Variants in PSG7 observed in about 807,000 individuals in gnomAD.
PSG7 encodes the protein pregnancy specific beta-1-glycoprotein 7.
PSG7 carries 57 observed loss-of-function variants against 45.6 expected under a neutral mutation model. The observed-to-expected ratio is 1.25, with a 90% CI of 1.01 to 1.56. PSG7 has a LOEUF of 1.56. PSG7 is among the 40% of genes most tolerant of loss of function. The probability of loss-of-function intolerance (pLI) is 0.00; values close to 1 mark genes in which losing one functional copy is unlikely to be tolerated. For missense variants in PSG7, 796 were observed against 508.4 expected (o/e 1.57, Z -5.44); for synonymous variants, 298 against 194.4 (o/e 1.53, Z -4.43).
chr19:42,931,894 T>G (rs988855874), intron 2 of PSG7, among the ~76,000 whole-genome samples: 1 of 151,364 alleles, frequency 6.6e-6, no homozygotes, highest in East Asian at 1.9e-4. Context: ...CCACTTTTTT[T>G]CCCCCACTCT....
At chr19:42,935,929 C>T (rs1600574644) in intron 1 of PSG7, among the ~76,000 whole-genome samples, 160 bp from the exon 2 acceptor site, 1 of 149,798 alleles carries the variant, frequency 6.7e-6, no homozygotes, top group Non-Finnish European at 1.5e-5. Context: ...CACACACACA[C>T]ATATAAAAGG....
chr19:42,924,272 T>A lies in PSG7; in HGVS notation c.*536A>T, dbSNP rs1972477992. On this transcript the variant is annotated 3_prime_UTR_variant, in exon 6 of 6. Transcript: ENST00000406070. ...TCTACTATAATTTCAGCTTTCCTAC[T>A]CTTTATAGAAACCATCTTCTCTGCA... is the stretch of plus-strand genomic sequence containing the variant. The A allele has an allele frequency of 3.5e-6, 1 of 283,816 alleles. No individual in the cohort carries two copies. Among genetic ancestry groups the A allele is most frequent in the African/African-American group, 2.2e-5 (1 of 45,692 alleles). 17.6% of individuals were successfully genotyped at this position (283,816 alleles called of 1,614,324 possible).
intron 3 of PSG7, among the ~76,000 whole-genome samples, chr19:42,927,941 A>G (rs1461408172): frequency 6.6e-6 from 1 of 151,714 alleles, no homozygotes; most frequent in Non-Finnish European, 1.5e-5. Context: ...ATTCTGAAAT[A>G]TTTGTCATAT....
chr19:42,928,792 G>C lies in PSG7; in HGVS notation c.709+650C>G, dbSNP rs538108030. The stretch of plus-strand genomic sequence containing the variant: ...ATGCTCCAGGGATCCACTTACCAGG[G>C]ACTATGATCCTCTTGATTATGAGAT... On this transcript the variant is annotated intron_variant, in intron 3 of 5. Coordinates refer to ENST00000406070, the MANE Select transcript of PSG7 (RefSeq NM_002783.3). Among the ~76,000 whole-genome samples the C allele has an allele frequency of 5.3e-5, 8 of 151,528 alleles. 1 individual carries two copies. Among genetic ancestry groups the C allele is most frequent in the Non-Finnish European group, 7.4e-5 (5 of 67,864 alleles).
In PSG7 at chr19:42,924,205, A is replaced by AAATGG. The variant is rs1167604444; in HGVS notation, c.*598_*602dup. ...CACGTTTTACAATGTATCTCTTAGG[A>AAATGG]AATGGTGAGAGCCATCCACACAATG... On this transcript the variant is annotated 3_prime_UTR_variant, in exon 6 of 6. Coordinates refer to ENST00000406070, the MANE Select transcript of PSG7 (RefSeq NM_002783.3). 5.2e-6 allele frequency: 1 copy of AAATGG among 192,564 alleles called. No homozygotes were observed. Among genetic ancestry groups the AAATGG allele is most frequent in the African/African-American group, 2.3e-5 (1 of 42,628 alleles). The allele number at this position is 192,564 out of a possible 1,614,324, so 11.9% of individuals were successfully genotyped here. A position where few individuals can be genotyped will look rare whatever the true frequency, so the allele number is the denominator to read the frequency against.
intron 2 of PSG7, among the ~76,000 whole-genome samples, chr19:42,932,213 C>T (rs573551742): frequency 4.6e-5 from 7 of 151,260 alleles, no homozygotes; most frequent in African/African-American, 1.2e-4. Context: ...TTAGTAGAGA[C>T]GGGGTTTCAC....
intron 2 of PSG7, among the ~76,000 whole-genome samples, chr19:42,930,369 G>C (rs1972993927): frequency 1.3e-5 from 2 of 151,568 alleles, no homozygotes; most frequent in African/African-American, 4.9e-5. Context: ...AGATAGAGCA[G>C]AGTCCAAGGA....
intron 2 of PSG7, among the ~76,000 whole-genome samples, chr19:42,934,692 A>G (rs963325531): frequency 5.3e-5 from 8 of 151,382 alleles, no homozygotes; most frequent in East Asian, 2.0e-4. Context: ...GCTACCTGGT[A>G]CATCTTCTCT....
At chr19:42,927,131 C>T (rs1972913002) in intron 3 of PSG7, 1 of 238,890 alleles carries the variant, frequency 4.2e-6, no homozygotes, top group Non-Finnish European at 8.2e-6. Context: ...TCTGCAACTT[C>T]CATTTCCAAG....
chr19:42,935,515 G>C lies in PSG7; in HGVS notation c.319C>G (p.Leu107Val). The C allele has an allele frequency of 6.2e-7, 1 of 1,612,174 alleles. No homozygotes were observed. The highest frequency in any genetic ancestry group is 8.5e-7 in the Non-Finnish European group (1 of 1,179,024). ...TCCTGGGTGACATTCTGGATCAGCA[G>C]GGATGCATTGGAATATACTGTTTCT... ...GRETVYSNAS[L>V]LIQNVTQEDT... Residue 107 changes from leucine to valine, a missense_variant, in exon 2 of 6, where the codon CTG (leucine) becomes GTG (valine). Transcript: ENST00000406070.
At position 42,926,651 on chromosome 19, in the gene PSG7, T is replaced by C. The variant is rs558901117; in HGVS notation, c.775A>G (p.Thr259Ala). 28 of 1,610,058 alleles carry C rather than the reference T, an allele frequency of 1.7e-5. No homozygotes were observed. The highest frequency in any genetic ancestry group is 2.2e-4 in the Middle Eastern group (1 of 4,580). Reference sequence around the variant, plus strand: ...TCACTCTTAGGTTCACAGGTGAAGGTTGAGACATCCTTATTCTCCCTGGGG... The same window carrying C: ...TCACTCTTAGGTTCACAGGTGAAGGCTGAGACATCCTTATTCTCCCTGGGG... ...LNPRENKDVS[T>A]FTCEPKSENY... Residue 259 changes from threonine to alanine, a missense_variant, in exon 4 of 6, where the codon ACC becomes GCC. Coordinates refer to ENST00000406070, the MANE Select transcript of PSG7 (RefSeq NM_002783.3).
At chr19:42,928,300 A>T (rs1213613356) in intron 3 of PSG7, among the ~76,000 whole-genome samples, 2 of 151,564 alleles carry the variant, frequency 1.3e-5, no homozygotes, top group Non-Finnish European at 2.9e-5. Context: ...TTTAGGACAG[A>T]GTTTTCTAAT....
intron 2 of PSG7, among the ~76,000 whole-genome samples, chr19:42,933,774 G>A (rs752877015): frequency 5.3e-5 from 8 of 151,094 alleles, no homozygotes; most frequent in Non-Finnish European, 1.0e-4. Context: ...ACTGACTTCA[G>A]TGACCCCAGG....
rs200925816 is a variant in PSG7, at chr19:42,937,195, C to A, written c.-119G>T. The A allele has an allele frequency of 1.1e-4, 155 of 1,424,768 alleles. 4 individuals are homozygous for A. Among genetic ancestry groups the A allele is most frequent in the South Asian group, 2.3e-4 (17 of 73,296 alleles). 88.3% of individuals were successfully genotyped at this position (1,424,768 alleles called of 1,614,324 possible). A position where few individuals can be genotyped will look rare whatever the true frequency, so the allele number is the denominator to read the frequency against. The stretch of plus-strand genomic sequence containing the variant: ...TTCTGCACTGAGCCTCTTCCCGGGG[C>A]AGGAGCACTTCTCAAGCTCATGGGT... On this transcript the variant is annotated 5_prime_UTR_variant, in exon 1 of 6. Transcript: ENST00000406070.
chr19:42,926,909 CT>C (rs1972906936), intron 3 of PSG7, 193 bp from the exon 4 acceptor site: 1 of 1,102,170 alleles, frequency 9.1e-7, no homozygotes, highest in East Asian at 2.5e-5. Flanking sequence ...CCTGCTCAGT[CT>C]TAGGGAAGCA....
Position 42,925,075 on chromosome 19 carries a change from A to T in PSG7, c.1244-251T>A, listed in dbSNP as rs571061012. On this transcript the variant is annotated intron_variant, in intron 5 of 5. Transcript: ENST00000406070. The stretch of plus-strand genomic sequence containing the variant: ...TCTCTTTTAAAATTTTCTTTGCTGT[A>T]AGTTTTTATAAGGAATCTCAGATTA... 10 of 529,794 alleles carry T rather than the reference A, an allele frequency of 1.9e-5. No individual in the cohort carries two copies. In the Admixed American group the frequency reaches 2.3e-4, roughly 12 times the overall value. 32.8% of individuals were successfully genotyped at this position (529,794 alleles called of 1,614,324 possible). A position where few individuals can be genotyped will look rare whatever the true frequency, so the allele number is the denominator to read the frequency against.
Position 42,925,970 on chromosome 19 carries a change from T to A in PSG7, c.1046A>T (p.Asn349Ile), listed in dbSNP as rs774045466. The A allele has an allele frequency of 5.6e-6, 9 of 1,611,746 alleles. No homozygotes were observed. The highest frequency in any genetic ancestry group is 4.5e-5 in the East Asian group (2 of 44,804). The change falls in exon 5 of 6, where the codon AAC (asparagine) becomes ATC (isoleucine). Residue 349 changes from asparagine (N) to isoleucine (I), a missense_variant. By Grantham distance (149) the Asn-to-Ile change is moderately radical (BLOSUM62 -3). Coordinates refer to ENST00000406070, the MANE Select transcript of PSG7 (RefSeq NM_002783.3). ...GTCCGCAAAGCAGGACAAGTAGAGG[T>A]TTTGTCCTGAATGGTAATAGGTGAA... ...PSFTYYHSGQ[N>I]LYLSCFADSN...
Position 42,929,575 on chromosome 19 carries a change from G to C in PSG7, c.576C>G (p.Ser192Arg), listed in dbSNP as rs757886695. ...TCCTGTTGGTTTCAGACAGCTGCAAGCTGTGAGTCATAGGGAGGCTCTGAC... is the reference window on the plus strand; with the variant it reads ...TCCTGTTGGTTTCAGACAGCTGCAACCTGTGAGTCATAGGGAGGCTCTGAC... Reference protein sequence around the residue: ...MNGQSLPMTHSLQLSETNRTL... With the variant: ...MNGQSLPMTHRLQLSETNRTL... Residue 192 changes from serine to arginine, a missense_variant, in exon 3 of 6, where the codon AGC (serine) becomes AGG (arginine). Physicochemically the swap from Ser to Arg is moderately radical, Grantham distance 110. Coordinates refer to ENST00000406070, the MANE Select transcript of PSG7 (RefSeq NM_002783.3). The C allele has an allele frequency of 8.6e-5, 138 of 1,612,496 alleles. 3 individuals are homozygous for C. Among genetic ancestry groups the C allele is most frequent in the South Asian group, 8.5e-4 (77 of 90,840 alleles).
intron 2 of PSG7, among the ~76,000 whole-genome samples, chr19:42,932,864 T>G (rs1973049969): frequency 6.6e-6 from 1 of 151,460 alleles, no homozygotes; most frequent in African/African-American, 2.4e-5. Context: ...ACTGCTCCAG[T>G]GTCATTTGGC....
Sources: allele counts gnomAD v4.1 joint callset (sites outside exome capture counted in the v4.1 genomes callset), GRCh38; gene constraint gnomAD v4.1.1; transcripts MANE v1.5; gene names NCBI Gene and HGNC (gene_info 2026-07-23, HGNC 2026-07-21).